The following HMGA1 variants were observed in gnomAD, a reference collection of about 807,000 sequenced individuals.
The protein encoded by HMGA1 is high mobility group protein HMG-I/HMG-Y.
In HMGA1, 1 loss-of-function variant was observed where a neutral mutation model predicts 15.1. That is an observed-to-expected ratio of 0.07 (90% CI 0.02 to 0.31). The LOEUF (loss-of-function observed/expected upper bound fraction) is 0.31, where lower values mean the gene tolerates loss of function less well. Ranked by LOEUF, HMGA1 falls within the 10% of genes least tolerant of loss-of-function variation. HMGA1 has a pLI of 1.00. For synonymous variants in HMGA1, 56 were observed against 54.8 expected, an observed-to-expected ratio of 1.02 and a Z score of -0.10; for missense variants, 94 against 141.4, an observed-to-expected ratio of 0.66 and a Z score of 1.70.
Position 34,242,683 on chromosome 6 carries a change from G to A in HMGA1, c.136-29G>A, listed in dbSNP as rs1257154693. 2.0e-6 allele frequency: 3 copies of A among 1,489,468 alleles called. No homozygotes were observed. The Admixed American group carries it at 5.9e-5, about 29-fold the overall frequency. The allele number at this position is 1,489,468 out of a possible 1,614,324, so 92.3% of individuals were successfully genotyped here. A position where few individuals can be genotyped will look rare whatever the true frequency, so the allele number is the denominator to read the frequency against. On this transcript the variant is annotated intron_variant, in intron 3 of 5. Coordinates refer to ENST00000311487, the MANE Select transcript of HMGA1 (RefSeq NM_145899.3). Reference sequence around the variant, plus strand: ...GAGGGGGTGGAAACAGGTGATGACTGTCCCTGACTACCCCCTCTGTCTTTA... The same window carrying A: ...GAGGGGGTGGAAACAGGTGATGACTATCCCTGACTACCCCCTCTGTCTTTA...
rs1457143822 is a variant in HMGA1 at position 34,240,681 on chromosome 6, G to T, written c.-44-56G>T. The T allele has an allele frequency of 2.2e-6, 3 of 1,361,562 alleles. No homozygotes were observed. The African/African-American group carries it at 4.3e-5, about 20-fold the overall frequency. 84.3% of individuals were successfully genotyped at this position (1,361,562 alleles called of 1,614,324 possible). A position where few individuals can be genotyped will look rare whatever the true frequency, so the allele number is the denominator to read the frequency against. ...TGCCTTGAAGGTGTGGGTGATGAGG[G>T]GGTAGAAAGTGGCTGAAGCGAGATG... On this transcript the variant is annotated intron_variant, in intron 2 of 5. Coordinates refer to ENST00000311487, the MANE Select transcript of HMGA1 (RefSeq NM_145899.3).
chr6:34,238,023 C>CT (rs1222684729), intron 2 of HMGA1, among the ~76,000 whole-genome samples: 9 of 152,258 alleles, frequency 5.9e-5, no homozygotes, highest in Non-Finnish European at 1.2e-4. Flanking sequence ...GAACTAGTCC[C>CT]TTTGACTCCC....
rs142532394 is a variant in HMGA1, at chr6:34,245,248, T to TG, written c.*369dup. ...GACATTGCTCTCTGGGCTTTTGGTT[T>TG]GGGGGCGCCCTCTCTGCTCCTTCAC... On this transcript the variant is annotated 3_prime_UTR_variant, in exon 6 of 6. Transcript: ENST00000311487. The TG allele has an allele frequency of 3.6e-6, 5 of 1,380,330 alleles. No homozygotes were observed. Among genetic ancestry groups the TG allele is most frequent in the Non-Finnish European group, 4.8e-6 (5 of 1,046,040 alleles). 85.5% of individuals were successfully genotyped at this position (1,380,330 alleles called of 1,614,324 possible).
At chr6:34,237,735 C>T (rs1405777355) in intron 2 of HMGA1, among the ~76,000 whole-genome samples, 1 of 151,090 alleles carries the variant, frequency 6.6e-6, no homozygotes, top group Non-Finnish European at 1.5e-5. Flanking sequence ...GGGAGAGACA[C>T]GGGCTGCGGC....
At chr6:34,244,688 G>T (rs1343524703) in intron 5 of HMGA1, 143 bp from the exon 6 acceptor site, 2 of 722,472 alleles carry the variant, frequency 2.8e-6, no homozygotes, top group East Asian at 2.7e-5. Context: ...GGCCGTGGAG[G>T]TTGCTGAGTC....
intron 1 of HMGA1, 72 bp from the exon 2 acceptor site, chr6:34,237,132 C>G (rs1330938420): frequency 1.3e-5 from 2 of 151,548 alleles, no homozygotes; most frequent in African/African-American, 4.8e-5. Flanking sequence ...ACATAAATAC[C>G]CCGCGGGGGC....
chr6:34,242,429 CCTAA>C (rs575863002), intron 3 of HMGA1, among the ~76,000 whole-genome samples: 50 of 152,344 alleles, frequency 3.3e-4, no homozygotes, highest in South Asian at 1.4e-3. Flanking sequence ...GGCAGAGCCA[CCTAA>C]CTGTCTTTCT....
intron 3 of HMGA1, among the ~76,000 whole-genome samples, chr6:34,242,143 A>C (rs1762362555): frequency 6.6e-6 from 1 of 152,214 alleles, no homozygotes; most frequent in African/African-American, 2.4e-5. Context: ...TTCAGTGGGA[A>C]TGATGGCAGG....
rs993812648 is a variant in HMGA1, at chr6:34,237,634, C to CGGAGCCCGGA, written c.-45+327_-45+336dup. 1.5e-3 allele frequency among the ~76,000 whole-genome samples: 219 copies of CGGAGCCCGGA among 147,920 alleles called. 1 individual carries two copies. Among genetic ancestry groups the CGGAGCCCGGA allele is most frequent in the Non-Finnish European group, 2.6e-3 (176 of 66,440 alleles). ...CGGCGAGCGCGAGTTGTGCACCCGG[C>CGGAGCCCGGA]GGAGCCCGGAGGAGCCCGGCGCACC... On this transcript the variant is annotated intron_variant, in intron 2 of 5. Coordinates refer to ENST00000311487, the MANE Select transcript of HMGA1 (RefSeq NM_145899.3).
chr6:34,243,179 G>A (rs1363909704), intron 4 of HMGA1, among the ~76,000 whole-genome samples: 1 of 152,174 alleles, frequency 6.6e-6, no homozygotes, highest in East Asian at 1.9e-4. Context: ...CAGATTCACA[G>A]TGACATTAGC....
intron 3 of HMGA1, 92 bp from the exon 4 acceptor site, chr6:34,242,620 A>T: frequency 1.2e-6 from 1 of 868,818 alleles, no homozygotes. Flanking sequence ...GTTCTTGCTG[A>T]CTTAACCTTG....
At chr6:34,241,043 G>A (rs1196077395) in intron 3 of HMGA1, 128 bp downstream of exon 3, 4 of 1,082,576 alleles carry the variant, frequency 3.7e-6, no homozygotes, top group Non-Finnish European at 4.1e-6. Flanking sequence ...GCGTGTGGGT[G>A]TGTCCTCCCA....
chr6:34,241,976 G>A (rs576551252), intron 3 of HMGA1, among the ~76,000 whole-genome samples: 2 of 152,268 alleles, frequency 1.3e-5, no homozygotes, highest in Non-Finnish European at 2.9e-5. Context: ...GTTAGCCATG[G>A]TCAGTGGGAG....
At position 34,245,736 on chromosome 6, in the gene HMGA1, C is replaced by T; in HGVS notation, c.*852C>T. On this transcript the variant is annotated 3_prime_UTR_variant, in exon 6 of 6. Transcript: ENST00000311487. ...TCCGCCACTCAGCCATTTCCCCCTC[C>T]TCAGATGGGGCACCAATAACAAGGA... 1.7e-6 allele frequency: 1 copy of T among 587,048 alleles called. No individual in the cohort carries two copies. The highest frequency in any genetic ancestry group is 2.8e-6 in the Non-Finnish European group (1 of 354,554). The allele number at this position is 587,048 out of a possible 1,614,324, so 36.4% of individuals were successfully genotyped here.
intron 2 of HMGA1, among the ~76,000 whole-genome samples, chr6:34,239,565 T>C (rs532975927): frequency 3.2e-4 from 49 of 152,274 alleles, no homozygotes; most frequent in Non-Finnish European, 5.0e-4. Context: ...ATCTTACAGA[T>C]TGAGAGGGGT....
intron 2 of HMGA1, among the ~76,000 whole-genome samples, chr6:34,238,477 C>G (rs1167706070): frequency 6.6e-6 from 1 of 152,210 alleles, no homozygotes; most frequent in African/African-American, 2.4e-5. Context: ...CAAGGCTTCT[C>G]TGGGCTACTT....
At position 34,245,865 on chromosome 6, in the gene HMGA1, G is replaced by GT. The variant is rs1254094588; in HGVS notation, c.*987dup. The stretch of plus-strand genomic sequence containing the variant: ...CAAACTACCTCTGGACAGTTGTGTT[G>GT]TTTTTTGTTCAATGTTCCATTCTTC... On this transcript the variant is annotated 3_prime_UTR_variant, in exon 6 of 6. Transcript: ENST00000311487. 8.9e-6 allele frequency: 3 copies of GT among 337,824 alleles called. No homozygotes were observed. The highest frequency in any genetic ancestry group is 7.0e-5 in the South Asian group (2 of 28,446). 20.9% of individuals were successfully genotyped at this position (337,824 alleles called of 1,614,324 possible). A position where few individuals can be genotyped will look rare whatever the true frequency, so the allele number is the denominator to read the frequency against.
At chr6:34,244,181 G>C (rs1410809240) in intron 5 of HMGA1, among the ~76,000 whole-genome samples, 1 of 149,758 alleles carries the variant, frequency 6.7e-6, no homozygotes, top group Admixed American at 6.6e-5. Flanking sequence ...GGGTGGGGGG[G>C]TTAGGGGGTG....
rs905694197 is a variant in HMGA1, at chr6:34,239,889, C to T, written c.-44-848C>T. Among the ~76,000 whole-genome samples the T allele has an allele frequency of 2.0e-5, 3 of 152,106 alleles. No homozygotes were observed. The East Asian group carries it at 5.8e-4, about 29-fold the overall frequency. ...GAAGGTTTTAGGATGAGCCCTAAAC[C>T]TCATCCTAAAGGATGAGGGCCAGCC... is the stretch of plus-strand genomic sequence containing the variant. On this transcript the variant is annotated intron_variant, in intron 2 of 5. Transcript: ENST00000311487.
Sources: allele counts gnomAD v4.1 joint callset (sites outside exome capture counted in the v4.1 genomes callset), GRCh38; gene constraint gnomAD v4.1.1; transcripts MANE v1.5; gene names NCBI Gene and HGNC (gene_info 2026-07-23, HGNC 2026-07-21).